PRKAR1A: variants seen among roughly 807,000 people sequenced by gnomAD.
The protein encoded by PRKAR1A is cAMP-dependent protein kinase type I-alpha regulatory subunit.
Under a neutral mutation model 52.0 loss-of-function variants are expected in PRKAR1A, and 3 were observed. That is an observed-to-expected ratio of 0.06 (90% CI 0.03 to 0.15). The LOEUF (loss-of-function observed/expected upper bound fraction) is 0.15, where lower values mean the gene tolerates loss of function less well. Ranked by LOEUF, PRKAR1A falls within the 10% of genes least tolerant of loss-of-function variation. The probability of loss-of-function intolerance (pLI) is 1.00; values close to 1 mark genes in which losing one functional copy is unlikely to be tolerated. For missense variants in PRKAR1A, 240 were observed against 477.4 expected, an observed-to-expected ratio of 0.50 and a Z score of 4.63; for synonymous variants, 188 against 168.4, an observed-to-expected ratio of 1.12 and a Z score of -0.90.
chr17:68,536,630 G>A (rs1290255107), downstream of PRKAR1A: 1 of 452,196 alleles, frequency 2.2e-6, no homozygotes, highest in South Asian at 1.6e-5. Context: ...GAAGAAGATT[G>A]TGGTTGGTGG....
the PRKAR1A span, among the ~76,000 whole-genome samples, chr17:68,414,901 G>A: frequency 6.6e-6 from 1 of 151,994 alleles, no homozygotes; most frequent in Admixed American, 6.6e-5. Context: ...TTCTTATTGA[G>A]TTTATTTGGA....
chr17:68,523,721 C>G lies in PRKAR1A; in HGVS notation c.349-4C>G, dbSNP rs1389538965. 1 of 1,597,326 alleles carries G rather than the reference C, an allele frequency of 6.3e-7. No homozygotes were observed. Among genetic ancestry groups the G allele is most frequent in the Non-Finnish European group, 8.6e-7 (1 of 1,166,708 alleles). ...TTGTCATTTGACCTTCAGTTCTTTT[C>G]TAGGTTATACCAAAAGATTACAAGA... On this transcript the variant is annotated splice_polypyrimidine_tract_variant and splice_region_variant and intron_variant, in intron 3 of 10. Coordinates refer to ENST00000589228, the MANE Select transcript of PRKAR1A (RefSeq NM_002734.5).
intron 11 of PRKAR1A, chr17:68,541,100 GC>G: frequency 7.6e-7 from 1 of 1,318,950 alleles, no homozygotes; most frequent in Non-Finnish European, 1.0e-6. Flanking sequence ...ATTCAGAAAG[GC>G]CCTGGGCAAG....
At chr17:68,524,845 T>C in intron 5 of PRKAR1A, 67 bp from the exon 6 acceptor site, 1 of 1,270,328 alleles carries the variant, frequency 7.9e-7, no homozygotes, top group Non-Finnish European at 1.2e-6. Flanking sequence ...TTTATTGTTT[T>C]GTAATAATTT....
chr17:68,480,380 C>A, the PRKAR1A span, among the ~76,000 whole-genome samples: 2 of 151,998 alleles, frequency 1.3e-5, no homozygotes, highest in Non-Finnish European at 2.9e-5. Context: ...CTGTTAGGTG[C>A]CCCAGGGATA....
chr17:68,529,684 TAC>T (rs763901325), intron 9 of PRKAR1A, among the ~76,000 whole-genome samples: 71 of 152,344 alleles, frequency 4.7e-4, no homozygotes, highest in Middle Eastern at 6.8e-3. Flanking sequence ...GCCCTTCATC[TAC>T]AGTTTGCTAA....
downstream of PRKAR1A, chr17:68,536,734 C>CT (rs772873230): frequency 1.6e-4 from 71 of 452,564 alleles, no homozygotes; most frequent in Admixed American, 8.5e-4. Context: ...GAGGACTTTC[C>CT]TTTTTTTTTC....
chr17:68,500,415 C>T, the PRKAR1A span, among the ~76,000 whole-genome samples: 1 of 152,324 alleles, frequency 6.6e-6, no homozygotes, highest in East Asian at 1.9e-4. Flanking sequence ...GTAAGACATG[C>T]CTTTTGCCTT....
chr17:68,417,921 G>A, the PRKAR1A span, among the ~76,000 whole-genome samples: 7 of 151,544 alleles, frequency 4.6e-5, no homozygotes, highest in Non-Finnish European at 7.4e-5. Flanking sequence ...TAGTAGAGAC[G>A]GGGTTTTACC....
At chr17:68,518,349 C>A (rs1384599569) in intron 2 of PRKAR1A, among the ~76,000 whole-genome samples, 24 of 152,224 alleles carry the variant, frequency 1.6e-4, no homozygotes, top group Non-Finnish European at 2.4e-4. Context: ...GAGGGCCACG[C>A]CCCTGCAGCA....
At chr17:68,420,298 T>C in the PRKAR1A span, 3 of 1,613,818 alleles carry the variant, frequency 1.9e-6, no homozygotes, top group Non-Finnish European at 1.7e-6. Context: ...TAGAAAGAGG[T>C]GGTGCGGAGT....
At chr17:68,477,279 C>A in the PRKAR1A span, among the ~76,000 whole-genome samples, 6 of 152,186 alleles carry the variant, frequency 3.9e-5, no homozygotes, top group African/African-American at 1.4e-4. Context: ...TCATTTAATT[C>A]TTTTCTTTTC....
At chr17:68,434,364 C>A in the PRKAR1A span, among the ~76,000 whole-genome samples, 1 of 152,186 alleles carries the variant, frequency 6.6e-6, no homozygotes, top group African/African-American at 2.4e-5. Flanking sequence ...TGTGTTAAAA[C>A]AGCATCTCGG....
downstream of PRKAR1A, chr17:68,535,703 G>C (rs771332540): frequency 8.0e-5 from 36 of 448,354 alleles, no homozygotes; most frequent in Middle Eastern, 7.2e-4. Flanking sequence ...GTAGAGACAG[G>C]GTTTTGTCAT....
chr17:68,509,651 C>G (rs1425869387), upstream of PRKAR1A, among the ~76,000 whole-genome samples: 2 of 152,220 alleles, frequency 1.3e-5, no homozygotes, highest in Non-Finnish European at 2.9e-5. Context: ...CGAATACCAA[C>G]AAGTTGGTAT....
At chr17:68,535,234 A>G, downstream of PRKAR1A, 1 of 451,082 alleles carries the variant, frequency 2.2e-6, no homozygotes, top group Non-Finnish European at 4.5e-6. Context: ...ATGAGTCTTA[A>G]TTTTGTTACT....
At chr17:68,430,888 G>C in the PRKAR1A span, among the ~76,000 whole-genome samples, 1 of 152,216 alleles carries the variant, frequency 6.6e-6, no homozygotes. Context: ...TGCAGGATTA[G>C]GTCCTGGTGG....
At position 68,532,338 on chromosome 17, in the gene PRKAR1A, C is replaced by A; in HGVS notation, c.*1889C>A. On this transcript the variant is annotated 3_prime_UTR_variant, in exon 11 of 11. Coordinates refer to ENST00000589228, the MANE Select transcript of PRKAR1A (RefSeq NM_002734.5). Reference sequence around the variant, plus strand: ...AGTTTCATGTATGTATATAATCATGCTCATGTATATTTAGTTACGTATAAT... The same window carrying A: ...AGTTTCATGTATGTATATAATCATGATCATGTATATTTAGTTACGTATAAT... 9.5e-7 allele frequency: 1 copy of A among 1,054,224 alleles called. No individual in the cohort carries two copies. The highest frequency in any genetic ancestry group is 1.2e-6 in the Non-Finnish European group (1 of 869,104). The allele number at this position is 1,054,224 out of a possible 1,614,324, so 65.3% of individuals were successfully genotyped here. A position where few individuals can be genotyped will look rare whatever the true frequency, so the allele number is the denominator to read the frequency against.
rs968126014 is a variant in PRKAR1A, at chr17:68,523,978, C to T, written c.441-38C>T. 7 of 1,608,384 alleles carry T rather than the reference C, an allele frequency of 4.4e-6. No individual in the cohort carries two copies. In the Admixed American group the frequency reaches 1.2e-4, roughly 27 times the overall value. ...TAATGTTTGAAATTCACGGAAGAGA[C>T]ATGTGAAATGTAACACGAGGCCTTC... On this transcript the variant is annotated intron_variant, in intron 4 of 10. Transcript: ENST00000589228.
Sources: gnomAD v4.1 joint callset for allele counts (sites outside exome capture counted in the v4.1 genomes callset) on GRCh38, gnomAD v4.1.1 for gene constraint, MANE v1.5 for transcripts, NCBI Gene and HGNC (gene_info 2026-07-23, HGNC 2026-07-21) for gene names.